NF1: variants seen among roughly 807,000 people sequenced by gnomAD.
The protein encoded by NF1 is neurofibromin.
NF1 carries 122 observed loss-of-function variants against 325.7 expected under a neutral mutation model. The ratio of observed to expected loss-of-function variants is 0.37; its 90% CI spans 0.32 to 0.44. NF1 has a LOEUF of 0.44. Ranked by LOEUF, NF1 falls within the 20% of genes least tolerant of loss-of-function variation. NF1 has a pLI of 1.00. For missense variants in NF1, 2,140 were observed against 3,415.4 expected, an observed-to-expected ratio of 0.63 and a Z score of 9.31; for synonymous variants, 1,091 against 1,186.0, an observed-to-expected ratio of 0.92 and a Z score of 1.65.
At chr17:31,303,436 A>G (rs1433890490) in intron 36 of NF1, among the ~76,000 whole-genome samples, 1 of 152,230 alleles carries the variant, frequency 6.6e-6, no homozygotes, top group East Asian at 1.9e-4. Context: ...AGAAAGTATA[A>G]GTTTAGTAAA....
chr17:31,138,082 C>T (rs927540910), intron 1 of NF1: 2 of 151,970 alleles, frequency 1.3e-5, no homozygotes, highest in Non-Finnish European at 2.9e-5. Flanking sequence ...GTCTGGAAAA[C>T]TTCTTGTGTT....
intron 36 of NF1, among the ~76,000 whole-genome samples, chr17:31,283,842 T>C (rs2068172327): frequency 6.6e-6 from 1 of 152,174 alleles, no homozygotes; most frequent in South Asian, 2.1e-4. Flanking sequence ...GGAAAAAGAC[T>C]TTATTTAATC....
At chr17:31,350,379 A>C (rs2070110753) in intron 50 of NF1, 61 bp downstream of exon 50, 4 of 1,447,866 alleles carry the variant, frequency 2.8e-6, no homozygotes, top group East Asian at 4.5e-5. Context: ...TTTCCAACTA[A>C]TGGAGGCAAG....
chr17:31,245,096 A>C (rs2067368485), intron 29 of NF1, among the ~76,000 whole-genome samples: 1 of 152,134 alleles, frequency 6.6e-6, no homozygotes, highest in Admixed American at 6.5e-5. Context: ...AATGGACTGC[A>C]GTGTACCTGC....
At chr17:31,248,714 G>T (rs988529614) in intron 29 of NF1, among the ~76,000 whole-genome samples, 3 of 151,910 alleles carry the variant, frequency 2.0e-5, no homozygotes, top group African/African-American at 7.3e-5. Context: ...GTAGAGATGG[G>T]GTTTCACCAT....
intron 1 of NF1, among the ~76,000 whole-genome samples, chr17:31,141,105 C>G (rs1189219137): frequency 6.6e-6 from 1 of 152,188 alleles, no homozygotes; most frequent in African/African-American, 2.4e-5. Flanking sequence ...AACACTTACA[C>G]ACACACACAT....
At chr17:31,225,020 A>G in intron 16 of NF1, 75 bp from the exon 17 acceptor site, 2 of 1,530,906 alleles carry the variant, frequency 1.3e-6, no homozygotes, top group Admixed American at 1.7e-5. Flanking sequence ...TCAAACAGGA[A>G]GACAACTCAA....
rs1358834792 is a variant in NF1, at chr17:31,158,272, G to C, written c.205-738G>C. Reference sequence around the variant, plus strand: ...CTTACAAAACTAATAAACTGGAGGTGTAGAAAATCATTTACCTTCTTTATG... The same window carrying C: ...CTTACAAAACTAATAAACTGGAGGTCTAGAAAATCATTTACCTTCTTTATG... On this transcript the variant is annotated intron_variant, in intron 2 of 57. Coordinates refer to ENST00000358273, the MANE Select transcript of NF1 (RefSeq NM_001042492.3). Among the ~76,000 whole-genome samples the C allele has an allele frequency of 1.3e-5, 2 of 152,132 alleles. 1 individual carries two copies. The highest frequency in any genetic ancestry group is 4.1e-4 in the South Asian group (2 of 4,832).
intron 50 of NF1, among the ~76,000 whole-genome samples, chr17:31,351,224 T>A (rs1481648988): frequency 6.6e-6 from 1 of 151,742 alleles, no homozygotes; most frequent in African/African-American, 2.4e-5. Flanking sequence ...TTTTCTGATT[T>A]AAAAAAAATC....
chr17:31,287,442 A>G lies in NF1; in HGVS notation c.4835+22103A>G, dbSNP rs116835586. ...CATGCTCTGCTGTTAAACCACCAATATAGTTAGAATTATTTTGATCAGACA... is the reference window on the plus strand; with the variant it reads ...CATGCTCTGCTGTTAAACCACCAATGTAGTTAGAATTATTTTGATCAGACA... On this transcript the variant is annotated intron_variant, in intron 36 of 57. Transcript: ENST00000358273. 4.6e-3 allele frequency among the ~76,000 whole-genome samples: 698 copies of G among 152,320 alleles called. 9 individuals carry two copies. Among genetic ancestry groups the G allele is most frequent in the African/African-American group, 0.016 (667 of 41,574 alleles).
At chr17:31,126,993 A>T (rs981142869) in intron 1 of NF1, among the ~76,000 whole-genome samples, 5 of 151,960 alleles carry the variant, frequency 3.3e-5, no homozygotes, top group African/African-American at 1.2e-4. Context: ...ATCCACTTTT[A>T]TTTTTTTGCC....
intron 9 of NF1, 139 bp from the exon 10 acceptor site, chr17:31,200,898 G>T: frequency 1.7e-6 from 2 of 1,190,484 alleles, no homozygotes; most frequent in Non-Finnish European, 2.5e-6. Flanking sequence ...ATGAACCACA[G>T]TATGGGTGCT....
At chr17:31,165,620 TTTAAGA>T (rs1454634828) in intron 4 of NF1, among the ~76,000 whole-genome samples, 11 of 152,212 alleles carry the variant, frequency 7.2e-5, no homozygotes, top group Admixed American at 2.6e-4. Context: ...ATGTTTCTCC[TTTAAGA>T]TTAAGATTTG....
intron 14 of NF1, among the ~76,000 whole-genome samples, chr17:31,220,046 C>G (rs1190829475): frequency 9.9e-5 from 15 of 152,120 alleles, no homozygotes; most frequent in Non-Finnish European, 1.5e-5. Flanking sequence ...GTGGACATAT[C>G]TCTTAAGTAT....
At chr17:31,296,196 A>G in intron 36 of NF1, 2 of 1,613,834 alleles carry the variant, frequency 1.2e-6, no homozygotes, top group African/African-American at 1.3e-5. Context: ...AATGTAGACA[A>G]GTTTCTGCCT....
intron 12 of NF1, among the ~76,000 whole-genome samples, chr17:31,211,688 A>C (rs1281971295): frequency 2.6e-5 from 4 of 152,226 alleles, no homozygotes; most frequent in Non-Finnish European, 4.4e-5. Flanking sequence ...GTTGTAGCAC[A>C]ATGGTAAGTA....
At chr17:31,373,956 T>G (rs2151601010) in intron 57 of NF1, 57 bp from the exon 58 acceptor site, 28 of 1,609,124 alleles carry the variant, frequency 1.7e-5, no homozygotes, top group Non-Finnish European at 2.2e-5. Context: ...ATGACTGCAA[T>G]GAAATTCAGT....
In NF1 at chr17:31,248,976, T is replaced by G. The variant is rs1470107394; in HGVS notation, c.3975-8T>G. ...AAGTGTTAGGATTTTATTTTTATTT[T>G]TTTGTAGGTTAGAACCATCAGAGAG... On this transcript the variant is annotated splice_region_variant and splice_polypyrimidine_tract_variant and intron_variant, in intron 29 of 57. Transcript: ENST00000358273. The G allele has an allele frequency of 6.2e-7, 1 of 1,613,830 alleles. No homozygotes were observed. Among genetic ancestry groups the G allele is most frequent in the South Asian group, 1.1e-5 (1 of 91,070 alleles).
intron 55 of NF1, 132 bp from the exon 56 acceptor site, chr17:31,358,837 A>G: frequency 9.4e-7 from 1 of 1,061,740 alleles, no homozygotes; most frequent in Non-Finnish European, 1.4e-6. Context: ...AGTTGCTTTG[A>G]CACTCATTCT....
Sources: allele counts gnomAD v4.1 joint callset (sites outside exome capture counted in the v4.1 genomes callset), GRCh38; gene constraint gnomAD v4.1.1; transcripts MANE v1.5; gene names NCBI Gene and HGNC (gene_info 2026-07-23, HGNC 2026-07-21).